The following PTK2 variants were observed in gnomAD, a reference collection of about 807,000 sequenced individuals.
PTK2 encodes the protein focal adhesion kinase 1.
A neutral mutation model predicts 150.1 loss-of-function variants in PTK2; 45 were observed. The observed-to-expected ratio is 0.30, with a 90% CI of 0.24 to 0.38. The LOEUF (loss-of-function observed/expected upper bound fraction) is 0.38, where lower values mean the gene tolerates loss of function less well. Ranked by LOEUF, PTK2 falls within the 10% of genes least tolerant of loss-of-function variation. The pLI is 1.00. For synonymous variants in PTK2, 432 were observed against 449.2 expected (o/e 0.96, Z 0.48); for missense variants, 919 against 1,307.3 (o/e 0.70, Z 4.58).
chr8:140,802,769 T>A (rs2100095866), intron 11 of PTK2, among the ~76,000 whole-genome samples: 1 of 152,124 alleles, frequency 6.6e-6, no homozygotes, highest in African/African-American at 2.4e-5. Context: ...TTGCCTAAAG[T>A]ATTCAGTATA....
exon 32 of PTK2, chr8:140,658,328 T>C (rs1588556743): frequency 1.7e-5 from 3 of 172,768 alleles, no homozygotes; most frequent in African/African-American, 7.1e-5. Context: ...TCTTGTATGT[T>C]ATCTTATCTG....
intron 10 of PTK2, among the ~76,000 whole-genome samples, chr8:140,805,478 G>C (rs527815738): frequency 1.2e-3 from 183 of 150,744 alleles, no homozygotes; most frequent in African/African-American, 3.7e-3. Context: ...AGAATCACTT[G>C]AACCAGGGAG....
At chr8:140,823,985 A>G (rs2100110419) in intron 8 of PTK2, among the ~76,000 whole-genome samples, 1 of 152,118 alleles carries the variant, frequency 6.6e-6, no homozygotes, top group South Asian at 2.1e-4. Flanking sequence ...TTGGCCTCTT[A>G]TTTCTCAGCA....
At chr8:140,710,329 CAA>C (rs71308985) in intron 23 of PTK2, among the ~76,000 whole-genome samples, 56,624 of 112,098 alleles carry the variant, frequency 0.51, 12,813 homozygotes, top group African/African-American at 0.57. Flanking sequence ...GACCTTGTCT[CAA>C]AAAAAAAAAA....
intron 2 of PTK2, among the ~76,000 whole-genome samples, chr8:140,924,066 C>T (rs535605800): frequency 8.5e-4 from 130 of 152,228 alleles, no homozygotes; most frequent in African/African-American, 2.1e-3. Flanking sequence ...TCTGTAAGGC[C>T]GTGCGTGATA....
chr8:140,844,425 T>C (rs968172985), intron 7 of PTK2, among the ~76,000 whole-genome samples: 1 of 123,944 alleles, frequency 8.1e-6, no homozygotes, highest in African/African-American at 2.5e-5. Flanking sequence ...AATTTGTCAC[T>C]GCTCCTTTAT....
At chr8:140,704,238 A>G (rs2100032399) in intron 24 of PTK2, among the ~76,000 whole-genome samples, 2 of 152,224 alleles carry the variant, frequency 1.3e-5, no homozygotes, top group South Asian at 2.1e-4. Flanking sequence ...ACTTTAGGCT[A>G]AAAATGAAGT....
chr8:140,767,895 TGG>T (rs1438791519), intron 14 of PTK2, among the ~76,000 whole-genome samples: 13 of 152,164 alleles, frequency 8.5e-5, no homozygotes, highest in Non-Finnish European at 1.8e-4. Flanking sequence ...CCCTAAAAAT[TGG>T]AGTACAGTCT....
At chr8:140,890,674 G>C (rs777211634) in exon 3 of PTK2, 5 of 1,614,108 alleles carry the variant, frequency 3.1e-6, no homozygotes, top group Non-Finnish European at 4.2e-6. Flanking sequence ...CCAGTACCCA[G>C]GTGAGTCTTA....
chr8:140,999,244 G>T (rs2100199048), intron 1 of PTK2, among the ~76,000 whole-genome samples: 1 of 152,150 alleles, frequency 6.6e-6, no homozygotes, highest in Admixed American at 6.5e-5. Context: ...CTTCTAATCA[G>T]CGTCTACACT....
At chr8:140,713,247 C>T (rs931392627) in intron 23 of PTK2, among the ~76,000 whole-genome samples, 2 of 152,268 alleles carry the variant, frequency 1.3e-5, no homozygotes, top group South Asian at 2.1e-4. Flanking sequence ...GCTCTATTAG[C>T]GGAAAAGGCA....
Position 140,963,561 on chromosome 8 carries a change from T to C in PTK2, c.-122+37564A>G, listed in dbSNP as rs541006366. 2.2e-4 allele frequency among the ~76,000 whole-genome samples: 33 copies of C among 152,350 alleles called. No homozygotes were observed. The South Asian group carries it at 2.3e-3, about 11-fold the overall frequency. On this transcript the variant is annotated intron_variant, in intron 1 of 31. Coordinates refer to ENST00000522684, the Ensembl canonical transcript of PTK2. ...AAACAAAACCTCCTAACTGATCTAC[T>C]TTCTTTATTACAGTGCCCCCTTCAA...
chr8:140,833,585 A>C (rs2100116854), intron 7 of PTK2, among the ~76,000 whole-genome samples: 1 of 152,212 alleles, frequency 6.6e-6, no homozygotes, highest in South Asian at 2.1e-4. Flanking sequence ...ACTGGTTTAC[A>C]ATGTGCACTC....
At chr8:140,715,763 T>C (rs1456976553) in intron 23 of PTK2, among the ~76,000 whole-genome samples, 3 of 149,444 alleles carry the variant, frequency 2.0e-5, no homozygotes, top group African/African-American at 7.3e-5. Context: ...TCTCAAAATA[T>C]ATATTTTGAA....
intron 1 of PTK2, among the ~76,000 whole-genome samples, chr8:140,937,880 G>T (rs888019128): frequency 3.3e-5 from 5 of 152,120 alleles, no homozygotes; most frequent in African/African-American, 1.2e-4. Context: ...CAGAGTCCAG[G>T]AGTTTGAGTC....
At chr8:140,862,603 T>C (rs2100136891) in intron 5 of PTK2, among the ~76,000 whole-genome samples, 1 of 152,182 alleles carries the variant, frequency 6.6e-6, no homozygotes, top group African/African-American at 2.4e-5. Context: ...CAGTACCAGT[T>C]AGTAGCCTAT....
intron 22 of PTK2, chr8:140,718,375 C>T (rs7839832): frequency 0.26 from 39,237 of 152,054 alleles, 5,719 homozygotes; most frequent in Admixed American, 0.38. Flanking sequence ...GCCGCTGCAG[C>T]GACTGCTAGG....
intron 14 of PTK2, among the ~76,000 whole-genome samples, chr8:140,781,856 C>T (rs115928938): frequency 4.6e-5 from 7 of 152,152 alleles, no homozygotes; most frequent in African/African-American, 1.2e-4. Flanking sequence ...AGAGAAGAAA[C>T]GGTATGACTA....
chr8:140,931,251 C>T (rs1342564118), intron 1 of PTK2, among the ~76,000 whole-genome samples: 1 of 152,110 alleles, frequency 6.6e-6, no homozygotes, highest in African/African-American at 2.4e-5. Flanking sequence ...GGAGGTGTTC[C>T]ATGCATATAC....
Sources: gnomAD v4.1 joint callset for allele counts (sites outside exome capture counted in the v4.1 genomes callset) on GRCh38, gnomAD v4.1.1 for gene constraint, MANE v1.5 for transcripts, NCBI Gene and HGNC (gene_info 2026-07-23, HGNC 2026-07-21) for gene names.